Variants in CASD1 observed in about 807,000 individuals in gnomAD.
CASD1 encodes CAS1 domain sialic acid O acetyltransferase 1.
CASD1 carries 41 observed loss-of-function variants against 100.0 expected under a neutral mutation model. The ratio of observed to expected loss-of-function variants is 0.41; its 90% CI spans 0.32 to 0.53. The LOEUF is 0.53. Ranked by LOEUF, CASD1 falls within the 20% of genes least tolerant of loss-of-function variation. The probability of loss-of-function intolerance (pLI) is 0.25; values close to 1 mark genes in which losing one functional copy is unlikely to be tolerated. For synonymous variants in CASD1, 321 were observed against 315.6 expected (o/e 1.02, Z -0.18); for missense variants, 774 against 948.7 (o/e 0.82, Z 2.42).
intron 15 of CASD1, 77 bp from the exon 16 acceptor site, chr7:94,552,273 T>TAA (rs775805252): frequency 1.2e-4 from 101 of 837,262 alleles, no homozygotes; most frequent in South Asian, 2.9e-4. Context: ...TAAAGAACTG[T>TAA]AAAAAAAAAA....
chr7:94,545,840 C>T (rs1038605748), intron 12 of CASD1, 139 bp downstream of exon 12: 15 of 530,562 alleles, frequency 2.8e-5, no homozygotes, highest in Non-Finnish European at 4.7e-5. Flanking sequence ...TTTTGAAATT[C>T]TGTTCTTAAA....
At chr7:94,583,601 A>G in the CASD1 span, among the ~76,000 whole-genome samples, 1 of 152,190 alleles carries the variant, frequency 6.6e-6, no homozygotes, top group Non-Finnish European at 1.5e-5. Context: ...TGTATGGGTA[A>G]ATATACCCTG....
chr7:94,587,667 T>C, the CASD1 span: 1 of 1,521,784 alleles, frequency 6.6e-7, no homozygotes, highest in Non-Finnish European at 8.8e-7. Context: ...TATTGAACAG[T>C]CTTGTTGAAA....
At chr7:94,599,911 G>T in the CASD1 span, 12 of 460,710 alleles carry the variant, frequency 2.6e-5, no homozygotes, top group East Asian at 3.9e-4. Flanking sequence ...ATGGAATACT[G>T]ATGAGAAACA....
At chr7:94,581,572 C>A in the CASD1 span, among the ~76,000 whole-genome samples, 1 of 152,072 alleles carries the variant, frequency 6.6e-6, no homozygotes, top group African/African-American at 2.4e-5. Flanking sequence ...TTGTTACCCC[C>A]CATGTGTCCG....
At position 94,538,987 on chromosome 7, in the gene CASD1, A is replaced by G. The variant is rs994143630; in HGVS notation, c.1287A>G (p.Glu429=). 1.2e-6 allele frequency: 2 copies of G among 1,606,380 alleles called. No homozygotes were observed. The highest frequency in any genetic ancestry group is 1.7e-6 in the Non-Finnish European group (2 of 1,173,864). Residue 429 remains glutamate, a synonymous_variant, in exon 10 of 18, where the codon GAA becomes GAG. Transcript: ENST00000297273. ...NTKETKVLNR[E]QTDEWKGWMQ... ...CACAGACTAAAGTATTAAATAGAGA[A>G]CAAACAGACGAATGGAAAGGCTGGA...
At chr7:94,593,737 G>T in the CASD1 span, among the ~76,000 whole-genome samples, 23 of 152,006 alleles carry the variant, frequency 1.5e-4, no homozygotes, top group African/African-American at 5.6e-4. Context: ...CAACCTCCTA[G>T]ACAATGTGCA....
chr7:94,520,735 A>T (rs1325220385), intron 3 of CASD1, among the ~76,000 whole-genome samples: 2 of 152,210 alleles, frequency 1.3e-5, no homozygotes, highest in African/African-American at 4.8e-5. Flanking sequence ...AGGCAGGCAG[A>T]TCACGAGGTC....
intron 1 of CASD1, among the ~76,000 whole-genome samples, chr7:94,511,700 A>G (rs1335256946): frequency 6.6e-6 from 1 of 152,236 alleles, no homozygotes. Flanking sequence ...TAATGGTAGT[A>G]GAGAGAAATT....
At chr7:94,516,915 TTA>T (rs1491360210) in intron 1 of CASD1, among the ~76,000 whole-genome samples, 6 of 151,388 alleles carry the variant, frequency 4.0e-5, no homozygotes, top group Admixed American at 6.6e-5. Context: ...TTTTTTTTTT[TTA>T]AAATGAGGCA....
the CASD1 span, chr7:94,629,738 A>C: frequency 6.2e-7 from 1 of 1,611,286 alleles, no homozygotes; most frequent in Admixed American, 1.7e-5. Context: ...GGTAAGGTGG[A>C]AATTCCCCCT....
rs754427994 is a variant in CASD1, at chr7:94,531,726, G to C, written c.460-1479G>C. On this transcript the variant is annotated intron_variant, in intron 5 of 17. Coordinates refer to ENST00000297273, the MANE Select transcript of CASD1 (RefSeq NM_022900.5). ...CATGTATTACCTTTATAGTGAAAAA[G>C]TGTCATTTTTTTACATTGGTCAATT... Among the ~76,000 whole-genome samples, 31 of 151,996 alleles carry C rather than the reference G, an allele frequency of 2.0e-4. 1 individual carries two copies. The highest frequency in any genetic ancestry group is 4.3e-4 in the Non-Finnish European group (29 of 67,992).
the CASD1 span, among the ~76,000 whole-genome samples, chr7:94,570,879 T>TA: frequency 6.6e-6 from 1 of 152,192 alleles, no homozygotes; most frequent in African/African-American, 2.4e-5. Context: ...TATTTGCTGA[T>TA]GTATTTAACT....
the CASD1 span, chr7:94,629,759 T>G: frequency 6.2e-7 from 1 of 1,611,456 alleles, no homozygotes; most frequent in Non-Finnish European, 8.5e-7. Flanking sequence ...TAAAATATTC[T>G]CTTTCCAAAA....
the CASD1 span, among the ~76,000 whole-genome samples, chr7:94,563,198 T>G: frequency 6.6e-6 from 1 of 152,100 alleles, no homozygotes; most frequent in East Asian, 1.9e-4. Flanking sequence ...CCTGAAGACG[T>G]TGAGTGGACC....
At chr7:94,561,233 C>T (rs954217270), downstream of CASD1, among the ~76,000 whole-genome samples, 4 of 151,868 alleles carry the variant, frequency 2.6e-5, no homozygotes, top group South Asian at 2.1e-4. Context: ...GCAACAAGAG[C>T]GAAACTCTGC....
At chr7:94,528,118 A>T in intron 4 of CASD1, 70 bp from the exon 5 acceptor site, 1 of 1,031,766 alleles carries the variant, frequency 9.7e-7, no homozygotes, top group East Asian at 2.4e-5. Context: ...GAGAATGTTA[A>T]TGTTTATTTT....
chr7:94,610,695 A>G, the CASD1 span, among the ~76,000 whole-genome samples: 1 of 152,262 alleles, frequency 6.6e-6, no homozygotes, highest in East Asian at 1.9e-4. Context: ...TTCAAAGAAC[A>G]CCATTAAGAA....
chr7:94,580,837 A>C, the CASD1 span, among the ~76,000 whole-genome samples: 1 of 152,228 alleles, frequency 6.6e-6, no homozygotes, highest in African/African-American at 2.4e-5. Context: ...CAAATAAACT[A>C]TATTTTCTGT....
Sources: allele counts gnomAD v4.1 joint callset (sites outside exome capture counted in the v4.1 genomes callset), GRCh38; gene constraint gnomAD v4.1.1; transcripts MANE v1.5; gene names NCBI Gene and HGNC (gene_info 2026-07-23, HGNC 2026-07-21).